SP110: variants seen among roughly 807,000 people sequenced by gnomAD.
SP110 encodes interferon-induced protein 41, 30kD.
SP110 carries 62 observed loss-of-function variants against 92.7 expected under a neutral mutation model. That is an observed-to-expected ratio of 0.67 (90% CI 0.55 to 0.83). The LOEUF (loss-of-function observed/expected upper bound fraction) is 0.83, where lower values mean the gene tolerates loss of function less well. Among genes scored for constraint, SP110 ranks in the 40% least tolerant of loss-of-function variants. The pLI is 0.00. For synonymous variants in SP110, 273 were observed against 305.3 expected, an observed-to-expected ratio of 0.89 and a Z score of 1.10; for missense variants, 793 against 863.9, an observed-to-expected ratio of 0.92 and a Z score of 1.03.
Position 230,177,572 on chromosome 2 carries a change from C to T in SP110, c.1556G>A (p.Arg519His), listed in dbSNP as rs140285393. The change falls in exon 14 of 19, where the codon CGT (arginine) becomes CAT (histidine). Residue 519 changes from arginine (R) to histidine (H), a missense_variant. Physicochemically the swap from Arg to His is conservative, Grantham distance 29. Transcript: ENST00000258381. ...RNAKNWKRNIRCEGMTLGELL... is the reference protein window; with the variant it reads ...RNAKNWKRNIHCEGMTLGELL... The stretch of plus-strand genomic sequence containing the variant: ...CTCTCCTAGGGTCATTCCTTCACAA[C>T]GTATATTCCGTTTCCAGTTCTTTGC... 3.7e-5 allele frequency: 60 copies of T among 1,614,116 alleles called. No homozygotes were observed. In the African/African-American group the frequency reaches 5.6e-4, roughly 15 times the overall value.
intron 12 of SP110, among the ~76,000 whole-genome samples, chr2:230,182,705 G>A (rs186620793): frequency 5.3e-5 from 8 of 152,264 alleles, no homozygotes; most frequent in Non-Finnish European, 7.4e-5. Flanking sequence ...CTTGAGCTGC[G>A]TGCTGGGTGT....
Position 230,168,046 on chromosome 2 carries a change from T to A in SP110, c.*1078A>T, listed in dbSNP as rs1481658479. 1 of 133,972 alleles carries A rather than the reference T, an allele frequency of 7.5e-6. No individual in the cohort carries two copies. Among genetic ancestry groups the A allele is most frequent in the Admixed American group, 8.6e-5 (1 of 11,656 alleles). The allele number at this position is 133,972 out of a possible 1,614,324, so 8.3% of individuals were successfully genotyped here. A position where few individuals can be genotyped will look rare whatever the true frequency, so the allele number is the denominator to read the frequency against. ...ATCGCTTGCACCCAGGAGGAGGAGG[T>A]TGCAGTGAGTCAAGATGACGCTACT... On this transcript the variant is annotated 3_prime_UTR_variant, in exon 19 of 19. Transcript: ENST00000258381.
chr2:230,199,938 T>C (rs933877371), intron 10 of SP110, among the ~76,000 whole-genome samples: 1 of 152,132 alleles, frequency 6.6e-6, no homozygotes, highest in African/African-American at 2.4e-5. Context: ...CAGCCAGCCC[T>C]TACCCAGGGG....
rs1392432202 is a variant in SP110 at position 230,168,882 on chromosome 2, A to G, written c.*242T>C. 7.1e-6 allele frequency: 3 copies of G among 423,276 alleles called. No individual in the cohort carries two copies. The highest frequency in any genetic ancestry group is 6.0e-5 in the African/African-American group (3 of 49,724). 26.2% of individuals were successfully genotyped at this position (423,276 alleles called of 1,614,324 possible). ...TGAGACAGTGGGGAGAATGTGAACT[A>G]TGATGGGGTATCTGATGGTATTAAG... is the stretch of plus-strand genomic sequence containing the variant. On this transcript the variant is annotated 3_prime_UTR_variant, in exon 19 of 19. Coordinates refer to ENST00000258381, the MANE Select transcript of SP110 (RefSeq NM_080424.4).
chr2:230,198,800 G>C (rs2042993808), intron 10 of SP110, among the ~76,000 whole-genome samples: 2 of 152,126 alleles, frequency 1.3e-5, no homozygotes, highest in Non-Finnish European at 2.9e-5. Flanking sequence ...GTTTCACCAT[G>C]TTGGCCAGAC....
intron 12 of SP110, among the ~76,000 whole-genome samples, chr2:230,181,175 C>G (rs2042110826): frequency 6.6e-6 from 1 of 152,216 alleles, no homozygotes; most frequent in African/African-American, 2.4e-5. Flanking sequence ...CAACAATCTT[C>G]CAGCAGAAGG....
rs1401312804 is a variant in SP110 at position 230,199,150 on chromosome 2, T to A, written c.1129+1735A>T. Among the ~76,000 whole-genome samples the A allele has an allele frequency of 2.3e-4, 23 of 98,670 alleles. 1 individual carries two copies. The highest frequency in any genetic ancestry group is 3.0e-4 in the Non-Finnish European group (16 of 53,368). 64.7% of individuals were successfully genotyped at this position (98,670 alleles called of 152,430 possible). On this transcript the variant is annotated intron_variant, in intron 10 of 18. Transcript: ENST00000258381. ...CTACTATTATTATTATTATTATTATTTTTTTTTTTTTTTAGTGGGGTGAGG... is the reference window on the plus strand; with the variant it reads ...CTACTATTATTATTATTATTATTATATTTTTTTTTTTTTAGTGGGGTGAGG...
chr2:230,174,267 T>C (rs1408483885), intron 14 of SP110: 2 of 152,224 alleles, frequency 1.3e-5, no homozygotes. Context: ...GTACTCACAG[T>C]GTTCTAATAA....
chr2:230,224,406 A>G (rs1361853991), upstream of SP110, among the ~76,000 whole-genome samples: 1 of 124,350 alleles, frequency 8.0e-6, no homozygotes, highest in African/African-American at 3.0e-5. Context: ...AGCCCAGCAT[A>G]CTTTTCCTTC....
chr2:230,175,526 T>C (rs1197824446), intron 14 of SP110, among the ~76,000 whole-genome samples: 1 of 152,208 alleles, frequency 6.6e-6, no homozygotes, highest in African/African-American at 2.4e-5. Flanking sequence ...ATGGGAAAGA[T>C]GATTTATATA....
chr2:230,207,794 G>A (rs2044032523), intron 8 of SP110, among the ~76,000 whole-genome samples, 197 bp downstream of exon 8: 1 of 151,932 alleles, frequency 6.6e-6, no homozygotes, highest in South Asian at 2.1e-4. Flanking sequence ...TGGCTGCCCT[G>A]CCTCCATTCT....
chr2:230,172,544 C>T, intron 15 of SP110: 1 of 525,400 alleles, frequency 1.9e-6, no homozygotes, highest in East Asian at 3.3e-5. Context: ...GTGTGACAAG[C>T]CGTGCTTCCT....
At chr2:230,198,163 A>G (rs1384669567) in intron 10 of SP110, among the ~76,000 whole-genome samples, 1 of 138,850 alleles carries the variant, frequency 7.2e-6, no homozygotes, top group East Asian at 2.2e-4. Context: ...GCTGTCCTCT[A>G]TGTGGTAGGT....
intron 6 of SP110, 64 bp from the exon 7 acceptor site, chr2:230,210,072 G>A: frequency 4.1e-6 from 4 of 966,286 alleles, no homozygotes; most frequent in Non-Finnish European, 6.8e-6. Flanking sequence ...GCTGAGGGAA[G>A]TCAATGCAAG....
At chr2:230,171,479 C>T in intron 17 of SP110, 1 of 588,306 alleles carries the variant, frequency 1.7e-6, no homozygotes, top group Non-Finnish European at 3.0e-6. Flanking sequence ...AGCAACTTGC[C>T]CGGTATCCCA....
intron 5 of SP110, among the ~76,000 whole-genome samples, chr2:230,212,118 G>A (rs72982424): frequency 6.6e-6 from 1 of 152,176 alleles, no homozygotes; most frequent in Non-Finnish European, 1.5e-5. Flanking sequence ...ATCAGCTAAG[G>A]GTCACTAGTG....
intron 1 of SP110, among the ~76,000 whole-genome samples, chr2:230,217,914 G>A (rs2045402373): frequency 6.6e-6 from 1 of 152,136 alleles, no homozygotes; most frequent in Non-Finnish European, 1.5e-5. Context: ...ACACAAATGG[G>A]CCAAGCATAA....
chr2:230,192,804 T>C (rs2042696694), intron 10 of SP110, among the ~76,000 whole-genome samples: 1 of 152,186 alleles, frequency 6.6e-6, no homozygotes, highest in African/African-American at 2.4e-5. Flanking sequence ...ATGGTCTATC[T>C]TGGAGAATGT....
At chr2:230,216,486 C>A (rs1420656675) in intron 2 of SP110, among the ~76,000 whole-genome samples, 1 of 152,186 alleles carries the variant, frequency 6.6e-6, no homozygotes, top group Non-Finnish European at 1.5e-5. Context: ...AGGAACCAAC[C>A]CTGTCAACAC....
Sources: allele counts gnomAD v4.1 joint callset (sites outside exome capture counted in the v4.1 genomes callset), GRCh38; gene constraint gnomAD v4.1.1; transcripts MANE v1.5; gene names NCBI Gene and HGNC (gene_info 2026-07-23, HGNC 2026-07-21).